MYOF: variants seen among roughly 807,000 people sequenced by gnomAD.
MYOF encodes fer-1-like 3, myoferlin.
A neutral mutation model predicts 284.2 loss-of-function variants in MYOF; 244 were observed. The ratio of observed to expected loss-of-function variants is 0.86; its 90% CI spans 0.77 to 0.95. MYOF has a LOEUF of 0.95. Ranked by LOEUF, MYOF falls within the 40% of genes least tolerant of loss-of-function variation. The pLI is 0.00. For missense variants in MYOF, 2,496 were observed against 2,560.6 expected (o/e 0.97, Z 0.54); for synonymous variants, 904 against 919.7 (o/e 0.98, Z 0.31).
intron 53 of MYOF, among the ~76,000 whole-genome samples, chr10:93,309,770 C>G (rs1163191814): frequency 1.3e-5 from 2 of 152,168 alleles, no homozygotes; most frequent in Non-Finnish European, 2.9e-5. Flanking sequence ...AGTGATTTCT[C>G]CTAGAATTCC....
chr10:93,351,171 T>G, intron 35 of MYOF, 26 bp downstream of exon 35: 1 of 1,604,200 alleles, frequency 6.2e-7, no homozygotes, highest in Non-Finnish European at 8.5e-7. Context: ...TTTGATTTGA[T>G]GAGTAACACG....
At chr10:93,425,951 T>C in intron 5 of MYOF, 120 bp downstream of exon 5, 1 of 1,023,796 alleles carries the variant, frequency 9.8e-7, no homozygotes, top group Non-Finnish European at 1.4e-6. Flanking sequence ...GGGGCCCCTG[T>C]CTGGGTGGGC....
intron 43 of MYOF, among the ~76,000 whole-genome samples, chr10:93,332,708 G>A (rs192181699): frequency 0.018 from 2,785 of 152,010 alleles, 85 homozygotes; most frequent in African/African-American, 0.064. Flanking sequence ...TTAGCCGGGC[G>A]TGGTGGCAGT....
intron 48 of MYOF, 87 bp downstream of exon 48, chr10:93,322,991 A>G (rs1842901509): frequency 7.7e-7 from 1 of 1,301,328 alleles, no homozygotes. Context: ...CAAGAATCCT[A>G]TCTTGGGCAT....
chr10:93,470,240 A>AC (rs1264102098), intron 1 of MYOF, among the ~76,000 whole-genome samples: 1 of 56,936 alleles, frequency 1.8e-5, no homozygotes, highest in East Asian at 6.4e-4. Flanking sequence ...AAAAAAAAAA[A>AC]AGAAAGAAAC....
At chr10:93,318,447 C>T (rs143638630) in intron 49 of MYOF, among the ~76,000 whole-genome samples, 1 of 151,548 alleles carries the variant, frequency 6.6e-6, no homozygotes, top group Non-Finnish European at 1.5e-5. Flanking sequence ...CCTTTGAAGG[C>T]GTTCATCCCA....
chr10:93,361,530 C>A lies in MYOF; in HGVS notation c.2896G>T (p.Glu966Ter). 1 of 1,614,166 alleles carries A rather than the reference C, an allele frequency of 6.2e-7. No individual in the cohort carries two copies. The highest frequency in any genetic ancestry group is 1.3e-5 in the African/African-American group (1 of 75,044). Residue 966 changes from glutamate to a stop codon, truncating the protein, a stop_gained, in exon 28 of 54, where the codon GAG (glutamate) becomes TAG (stop). Transcript: ENST00000359263. LOFTEE classifies it high-confidence loss of function. The part of the protein sequence containing the change: ...ANGDKAASPS[E>*]LTCPPGWEWE... Reference sequence around the variant, plus strand: ...TCCCAACCTGGAGGACAAGTCAACTCGCTGGGTGATGCTGCTTTATCGCCG... The same window carrying A: ...TCCCAACCTGGAGGACAAGTCAACTAGCTGGGTGATGCTGCTTTATCGCCG...
chr10:93,366,649 AG>A, intron 25 of MYOF, 94 bp from the exon 26 acceptor site: 1 of 1,067,734 alleles, frequency 9.4e-7, no homozygotes, highest in Non-Finnish European at 1.3e-6. Context: ...GACTTAGGCT[AG>A]ACAACTACAG....
chr10:93,389,228 T>C, intron 17 of MYOF, 74 bp from the exon 18 acceptor site: 1 of 1,487,656 alleles, frequency 6.7e-7, no homozygotes, highest in Non-Finnish European at 9.0e-7. Flanking sequence ...TAGTTATTAG[T>C]TAGTTAGGTG....
chr10:93,443,611 C>T (rs1030581983), intron 3 of MYOF, among the ~76,000 whole-genome samples: 1 of 152,014 alleles, frequency 6.6e-6, no homozygotes, highest in African/African-American at 2.4e-5. Context: ...AACAAGGATC[C>T]CTTTTCTTGC....
rs753403522 is a variant in MYOF at position 93,347,712 on chromosome 10, C to T, written c.4154G>A (p.Arg1385Gln). 3.7e-6 allele frequency: 6 copies of T among 1,614,108 alleles called. No individual in the cohort carries two copies. In the Admixed American group the frequency reaches 6.7e-5, roughly 18 times the overall value. ...GGTGCACTGGCCGACGACAGGCTTC[C>T]GCCCAAACTGCCTGTGGTCGATGAC... ...IKVIDHRQFG[R>Q]KPVVGQCTIE... is the part of the protein sequence containing the mutation. Residue 1385 changes from arginine to glutamine, a missense_variant, in exon 37 of 54, where the codon CGG (arginine) becomes CAG (glutamine). Transcript: ENST00000359263.
Position 93,343,837 on chromosome 10 carries a change from G to A in MYOF, c.4326+19C>T, listed in dbSNP as rs1844042841. ...GAAGATAAAACTGACAGCATCCACT[G>A]ATCAGCTCTGAAGCCTACCTTAGAA... is the stretch of plus-strand genomic sequence containing the variant. On this transcript the variant is annotated intron_variant, in intron 38 of 53. Transcript: ENST00000359263. 6.2e-7 allele frequency: 1 copy of A among 1,613,040 alleles called. No homozygotes were observed. Among genetic ancestry groups the A allele is most frequent in the Admixed American group, 1.7e-5 (1 of 60,002 alleles).
intron 3 of MYOF, among the ~76,000 whole-genome samples, chr10:93,439,512 G>T (rs1269723817): frequency 6.6e-6 from 1 of 152,118 alleles, no homozygotes; most frequent in Non-Finnish European, 1.5e-5. Flanking sequence ...ACTCTTTCAT[G>T]AACTTGAACC....
intron 53 of MYOF, among the ~76,000 whole-genome samples, 196 bp from the exon 54 acceptor site, chr10:93,307,197 C>CG (rs1491310596): frequency 5.8e-5 from 3 of 51,630 alleles, no homozygotes; most frequent in East Asian, 4.0e-4. Flanking sequence ...CACCCCCCCG[C>CG]CAAGTTGTTG....
intron 5 of MYOF, 61 bp downstream of exon 5, chr10:93,426,010 C>G (rs1363172533): frequency 2.1e-6 from 3 of 1,457,058 alleles, no homozygotes; most frequent in Non-Finnish European, 2.8e-6. Flanking sequence ...CAGACACTCT[C>G]CTGTGTGTCT....
intron 26 of MYOF, among the ~76,000 whole-genome samples, chr10:93,366,084 CCTT>C (rs1321629777): frequency 6.6e-6 from 1 of 152,186 alleles, no homozygotes; most frequent in East Asian, 1.9e-4. Context: ...AATCTCAGAT[CCTT>C]CTTGCCACTG....
chr10:93,367,588 T>C (rs1845383895), intron 25 of MYOF, among the ~76,000 whole-genome samples: 1 of 152,114 alleles, frequency 6.6e-6, no homozygotes, highest in Non-Finnish European at 1.5e-5. Context: ...GGACACAGAA[T>C]GGAGAGCAAG....
In MYOF at chr10:93,404,156, C is replaced by A; in HGVS notation, c.792+1G>T. 1 of 1,614,144 alleles carries A rather than the reference C, an allele frequency of 6.2e-7. No individual in the cohort carries two copies. Among genetic ancestry groups the A allele is most frequent in the African/African-American group, 1.3e-5 (1 of 75,034 alleles). On this transcript the variant is annotated splice_donor_variant, in intron 8 of 53. Transcript: ENST00000359263. LOFTEE classifies it high-confidence loss of function. ...GTACCTTCCTACTTGCTGACCCTTA[C>A]CCGGATGCTGATGATCTCATCCATC...
chr10:93,369,107 C>G (rs1461071646), intron 25 of MYOF, among the ~76,000 whole-genome samples: 1 of 78,986 alleles, frequency 1.3e-5, no homozygotes, highest in Non-Finnish European at 2.1e-5. Flanking sequence ...AGTATTCAGA[C>G]AGCTTTTTTT....
Sources: allele counts gnomAD v4.1 joint callset (sites outside exome capture counted in the v4.1 genomes callset), GRCh38; gene constraint gnomAD v4.1.1; transcripts MANE v1.5; gene names NCBI Gene and HGNC (gene_info 2026-07-23, HGNC 2026-07-21).